The following SSH3 variants were observed in gnomAD, a reference collection of about 807,000 sequenced individuals.
The protein encoded by SSH3 is protein phosphatase Slingshot homolog 3.
In SSH3, 67 loss-of-function variants were observed where a neutral mutation model predicts 75.0. The observed-to-expected ratio is 0.89, with a 90% CI of 0.73 to 1.10. SSH3 has a LOEUF of 1.10. Among genes scored for constraint, SSH3 ranks in the 50% least tolerant of loss-of-function variants. The pLI, the probability that SSH3 is intolerant of heterozygous loss-of-function variation, is 0.00. For synonymous variants in SSH3, 318 were observed against 349.2 expected (o/e 0.91, Z 1.00); for missense variants, 824 against 872.7 (o/e 0.94, Z 0.70).
At position 67,311,578 on chromosome 11, in the gene SSH3, C is replaced by G; in HGVS notation, c.1684-13C>G. The G allele has an allele frequency of 6.2e-7, 1 of 1,613,526 alleles. No homozygotes were observed. Among genetic ancestry groups the G allele is most frequent in the East Asian group, 2.2e-5 (1 of 44,880 alleles). On this transcript the variant is annotated splice_polypyrimidine_tract_variant and intron_variant, in intron 13 of 13. Coordinates refer to ENST00000308127, the MANE Select transcript of SSH3 (RefSeq NM_017857.4). Reference sequence around the variant, plus strand: ...AGGCCTCCCATGGCTTCCGTATCCTCACACCTGTCCAGGTCTTCTCTTCCC... The same window carrying G: ...AGGCCTCCCATGGCTTCCGTATCCTGACACCTGTCCAGGTCTTCTCTTCCC...
In SSH3 at chr11:67,309,783, C is replaced by T. The variant is rs146571978; in HGVS notation, c.1224C>T (p.His408=). 5 of 1,613,008 alleles carry T rather than the reference C, an allele frequency of 3.1e-6. No individual in the cohort carries two copies. The highest frequency in any genetic ancestry group is 4.5e-5 in the East Asian group (2 of 44,906). The change falls in exon 12 of 14, where the codon CAC becomes CAT. Residue 408 remains histidine (H), a synonymous_variant. Transcript: ENST00000308127. ...FIEAARAQGT[H]VLVHCKMGVS... ...GCTTCCACAGAGCACAGGGCACCCA[C>T]GTGCTGGTCCACTGCAAGATGGGCG...
intron 10 of SSH3, chr11:67,309,149 T>G (rs1861338677): frequency 3.7e-6 from 2 of 536,576 alleles, no homozygotes; most frequent in South Asian, 2.3e-5. Context: ...TGAGAATAAC[T>G]GAAGGGCTGG....
In SSH3 at chr11:67,309,395, A is replaced by G. The variant is rs769319357; in HGVS notation, c.1062-2A>G. The G allele has an allele frequency of 6.2e-6, 10 of 1,614,032 alleles. No individual in the cohort carries two copies. The highest frequency in any genetic ancestry group is 7.6e-6 in the Non-Finnish European group (9 of 1,180,016). On this transcript the variant is annotated splice_acceptor_variant, in intron 10 of 13. Transcript: ENST00000308127. LOFTEE classifies it high-confidence loss of function. ...AGCCTGGCCTTGGGCCCTCTGGGAC[A>G]GGGTCACCCACATCTTGAACATGGC...
At position 67,307,736 on chromosome 11, in the gene SSH3, G is replaced by A. The variant is rs61731782; in HGVS notation, c.790G>A (p.Gly264Arg). ...GCGGCCTCCCAGCGCCGAGCCTGGC[G>A]GGTCAGTGTGTGGAGGGGAGGGACT... Reference protein sequence around the residue: ...SLRPPSAEPGGSSEQEQMEQA... With the variant: ...SLRPPSAEPGRSSEQEQMEQA... The change falls in exon 7 of 14, where the codon GGG becomes AGG. Residue 264 changes from glycine (G) to arginine (R), a missense_variant and splice_region_variant. Coordinates refer to ENST00000308127, the MANE Select transcript of SSH3 (RefSeq NM_017857.4). The surrounding 1 kb of genome is among the most constrained non-coding windows in gnomAD (Gnocchi z 4.2). The A allele has an allele frequency of 1.5e-3, 2,348 of 1,613,904 alleles. 30 individuals are homozygous for A. The African/African-American group carries it at 0.027, about 18-fold the overall frequency.
At chr11:67,304,625 A>G (rs1861177603) in intron 2 of SSH3, 148 bp from the exon 3 acceptor site, 2 of 732,438 alleles carry the variant, frequency 2.7e-6, no homozygotes, top group South Asian at 3.7e-5. Flanking sequence ...GCAGATGCTC[A>G]GGCCTCCACT....
chr11:67,309,198 A>G, intron 10 of SSH3, 199 bp from the exon 11 acceptor site: 1 of 631,514 alleles, frequency 1.6e-6, no homozygotes, highest in East Asian at 2.8e-5. Flanking sequence ...AGATGGGGAA[A>G]CAAGCCCAGC....
chr11:67,305,036 T>G (rs1590882873), intron 3 of SSH3, 29 bp downstream of exon 3: 33 of 1,537,240 alleles, frequency 2.1e-5, no homozygotes, highest in Non-Finnish European at 2.6e-5. Context: ...CTCCGGGGGG[T>G]GGGGGGAAGA....
intron 2 of SSH3, 100 bp downstream of exon 2, chr11:67,304,255 C>A: frequency 2.0e-6 from 2 of 983,510 alleles, no homozygotes; most frequent in Admixed American, 2.6e-5. Context: ...CCCCGGAGGA[C>A]GCGCAGCGAA....
In SSH3 at chr11:67,308,261, C is replaced by G; in HGVS notation, c.973C>G (p.Gln325Glu). The change falls in exon 9 of 14, where the codon CAG becomes GAG. Residue 325 changes from glutamine (Q) to glutamate (E), a missense_variant. Gln to Glu is a conservative substitution (Grantham distance 29). Coordinates refer to ENST00000308127, the MANE Select transcript of SSH3 (RefSeq NM_017857.4). This position sits in a 1 kb window ranked among gnomAD's most constrained non-coding sequence, Gnocchi z 4.9. The stretch of plus-strand genomic sequence containing the variant: ...CAACCAGATGCTGCTGCTGGTGGCA[C>G]AGCGGGACCGAGCCTCCCGCATCTT... ...IDNQMLLLVA[Q>E]RDRASRIFPH... 1 of 1,614,148 alleles carries G rather than the reference C, an allele frequency of 6.2e-7. No individual in the cohort carries two copies. The highest frequency in any genetic ancestry group is 8.5e-7 in the Non-Finnish European group (1 of 1,180,036).
In SSH3 at chr11:67,307,686, CG is replaced by C. The variant is rs1408541965; in HGVS notation, c.742del (p.Ala248LeufsTer112). 1 of 1,614,022 alleles carries C rather than the reference CG, an allele frequency of 6.2e-7. No homozygotes were observed. Among genetic ancestry groups the C allele is most frequent in the East Asian group, 2.2e-5 (1 of 44,886 alleles). ...NSEQSCLNEW[T>X]AMADLESLRP... ...GAACAGAGCTGCCTCAATGAGTGGA[CG>C]GCTATGGCCGACCTGGAGTCTCTGC... is the stretch of plus-strand genomic sequence containing the variant. On this transcript the variant is annotated frameshift_variant, in exon 7 of 14. Coordinates refer to ENST00000308127, the MANE Select transcript of SSH3 (RefSeq NM_017857.4). The surrounding 1 kb of genome is among the most constrained non-coding windows in gnomAD (Gnocchi z 4.2).
chr11:67,303,688 C>T lies in SSH3; in HGVS notation c.63C>T (p.Pro21=). The change falls in exon 1 of 14, where the codon CCC becomes CCT. Residue 21 remains proline (P), a synonymous_variant. Coordinates refer to ENST00000308127, the MANE Select transcript of SSH3 (RefSeq NM_017857.4). ...GCGGCGCCTCCACGCCCGTGGGGCC[C>T]TGGGTGAGTGTGGTCCGGCCGTGGT... The part of the protein sequence containing the change: ...PGSGASTPVG[P]WDQAVQRRSR... The T allele has an allele frequency of 6.6e-7, 1 of 1,509,458 alleles. No homozygotes were observed. Among genetic ancestry groups the T allele is most frequent in the Non-Finnish European group, 8.8e-7 (1 of 1,135,610 alleles). 93.5% of individuals were successfully genotyped at this position (1,509,458 alleles called of 1,614,324 possible).
rs753677593 is a variant in SSH3, at chr11:67,307,735, C to A, written c.789C>A (p.Gly263=). The change falls in exon 7 of 14, where the codon GGC becomes GGA. Residue 263 remains glycine (G), a splice_region_variant and synonymous_variant. Coordinates refer to ENST00000308127, the MANE Select transcript of SSH3 (RefSeq NM_017857.4). This position sits in a 1 kb window ranked among gnomAD's most constrained non-coding sequence, Gnocchi z 4.2. ...ESLRPPSAEP[G]GSSEQEQMEQ... is the part of the protein sequence containing the mutation. The stretch of plus-strand genomic sequence containing the variant: ...TGCGGCCTCCCAGCGCCGAGCCTGG[C>A]GGGTCAGTGTGTGGAGGGGAGGGAC... The A allele has an allele frequency of 1.2e-6, 2 of 1,613,610 alleles. No individual in the cohort carries two copies. Among genetic ancestry groups the A allele is most frequent in the Admixed American group, 1.7e-5 (1 of 60,006 alleles).
chr11:67,307,303 C>T lies in SSH3; in HGVS notation c.537-68C>T. On this transcript the variant is annotated intron_variant, in intron 5 of 13. Transcript: ENST00000308127. The surrounding 1 kb of genome is among the most constrained non-coding windows in gnomAD (Gnocchi z 4.2). ...CTCCTGGGTCTCGGCTTCCCGTATC[C>T]AGCAAAAGGATGGGTTCTCTGTCGC... The T allele has an allele frequency of 3.1e-6, 5 of 1,601,440 alleles. No individual in the cohort carries two copies. Among genetic ancestry groups the T allele is most frequent in the Non-Finnish European group, 3.4e-6 (4 of 1,174,812 alleles).
chr11:67,307,394 G>T lies in SSH3; in HGVS notation c.560G>T (p.Gly187Val). 1 of 1,614,048 alleles carries T rather than the reference G, an allele frequency of 6.2e-7. No individual in the cohort carries two copies. The highest frequency in any genetic ancestry group is 1.1e-5 in the South Asian group (1 of 91,076). The change falls in exon 6 of 14, where the codon GGG becomes GTG. Residue 187 changes from glycine to valine, a missense_variant. Transcript: ENST00000308127. This position sits in a 1 kb window ranked among gnomAD's most constrained non-coding sequence, Gnocchi z 4.2. The stretch of plus-strand genomic sequence containing the variant: ...AGGGGCTTCAGCGTGACGTCTGGTG[G>T]GCAAAGCCGGATCTTCAAGCCCATC... ...GDGGFSVTSG[G>V]QSRIFKPISI...
rs779794911 is a variant in SSH3, at chr11:67,309,758, G to A, written c.1209-10G>A. 1.1e-5 allele frequency: 17 copies of A among 1,612,110 alleles called. No homozygotes were observed. In the East Asian group the frequency reaches 3.3e-4, roughly 32 times the overall value. On this transcript the variant is annotated splice_polypyrimidine_tract_variant and intron_variant, in intron 11 of 13. Coordinates refer to ENST00000308127, the MANE Select transcript of SSH3 (RefSeq NM_017857.4). Reference sequence around the variant, plus strand: ...GAGGGGAGGGTGCTGAACCTGGCCTGCTTCCACAGAGCACAGGGCACCCAC... The same window carrying A: ...GAGGGGAGGGTGCTGAACCTGGCCTACTTCCACAGAGCACAGGGCACCCAC...
At chr11:67,305,070 G>A (rs1861196973) in intron 3 of SSH3, 63 bp downstream of exon 3, 2 of 1,497,944 alleles carry the variant, frequency 1.3e-6, no homozygotes, top group Non-Finnish European at 9.1e-7. Context: ...GCAGAATGGA[G>A]CCCTGTGTAT....
chr11:67,308,031 C>G lies in SSH3; in HGVS notation c.885+92C>G. The stretch of plus-strand genomic sequence containing the variant: ...CCTCCCCACCTTGCCTGTCTCCAGT[C>G]CTGAGCCATTCCTGGATGCCTTGGC... On this transcript the variant is annotated intron_variant, in intron 8 of 13. Transcript: ENST00000308127. The surrounding 1 kb of genome is among the most constrained non-coding windows in gnomAD (Gnocchi z 4.9). 1 of 1,595,742 alleles carries G rather than the reference C, an allele frequency of 6.3e-7. No homozygotes were observed. The highest frequency in any genetic ancestry group is 8.6e-7 in the Non-Finnish European group (1 of 1,169,356).
Position 67,307,492 on chromosome 11 carries a change from G to T in SSH3, c.602+56G>T. The T allele has an allele frequency of 6.2e-7, 1 of 1,613,246 alleles. No homozygotes were observed. The highest frequency in any genetic ancestry group is 8.5e-7 in the Non-Finnish European group (1 of 1,179,668). On this transcript the variant is annotated intron_variant, in intron 6 of 13. Transcript: ENST00000308127. The surrounding 1 kb of genome is among the most constrained non-coding windows in gnomAD (Gnocchi z 4.2). Reference sequence around the variant, plus strand: ...AGCCTCTCCTTCGAAGGAGGCTGCAGGGCCTGGGGAAGGGCAGCAAGGGAA... The same window carrying T: ...AGCCTCTCCTTCGAAGGAGGCTGCATGGCCTGGGGAAGGGCAGCAAGGGAA...
Position 67,311,938 on chromosome 11 carries a change from C to T in SSH3, c.*51C>T. ...TGACACTGAAGAGGATCCACAACTC[C>T]TTGGAGAAACACCCTCACGTCTGTT... On this transcript the variant is annotated 3_prime_UTR_variant, in exon 14 of 14. Transcript: ENST00000308127. 1 of 1,591,532 alleles carries T rather than the reference C, an allele frequency of 6.3e-7. No homozygotes were observed. The highest frequency in any genetic ancestry group is 1.4e-5 in the African/African-American group (1 of 73,660).
Sources: gnomAD v4.1 joint callset for allele counts on GRCh38, gnomAD v4.1.1 for gene constraint, Gnocchi (gnomAD v3.1) non-coding constraint, MANE v1.5 for transcripts, NCBI Gene and HGNC (gene_info 2026-07-23, HGNC 2026-07-21) for gene names.